The following ZBBX variants were observed in gnomAD, a reference collection of about 807,000 sequenced individuals.
The protein encoded by ZBBX is zinc finger B-box domain containing.
A neutral mutation model predicts 108.5 loss-of-function variants in ZBBX; 101 were observed. That is an observed-to-expected ratio of 0.93 (90% confidence interval 0.79 to 1.10). ZBBX has a LOEUF of 1.10. Ranked by LOEUF, ZBBX falls within the 50% of genes least tolerant of loss-of-function variation. ZBBX has a pLI of 0.00. For synonymous variants in ZBBX, 356 were observed against 323.4 expected (o/e 1.10, Z -1.08); for missense variants, 1,009 against 941.4 (o/e 1.07, Z -0.94).
intron 1 of ZBBX, among the ~76,000 whole-genome samples, chr3:167,402,946 T>A (rs1040213556): frequency 6.6e-6 from 1 of 152,010 alleles, no homozygotes; most frequent in Non-Finnish European, 1.5e-5. Flanking sequence ...CATAACAAAC[T>A]GTTAAATCAA....
At chr3:167,276,988 C>T (rs1727713560) in intron 20 of ZBBX, among the ~76,000 whole-genome samples, 1 of 151,948 alleles carries the variant, frequency 6.6e-6, no homozygotes, top group South Asian at 2.1e-4. Flanking sequence ...CATATCCAGC[C>T]AAACTAAGCT....
intron 11 of ZBBX, among the ~76,000 whole-genome samples, chr3:167,325,803 A>G (rs1737276227): frequency 6.6e-6 from 1 of 152,206 alleles, no homozygotes; most frequent in Non-Finnish European, 1.5e-5. Context: ...TAAAAATAAA[A>G]GGTAATGACA....
At chr3:167,345,964 T>G (rs1049137233) in intron 9 of ZBBX, among the ~76,000 whole-genome samples, 7 of 151,886 alleles carry the variant, frequency 4.6e-5, no homozygotes, top group Non-Finnish European at 2.9e-5. Context: ...CATAATCTAT[T>G]AATAATTTAC....
the ZBBX span, among the ~76,000 whole-genome samples, chr3:167,227,888 A>AATATTC: frequency 4.0e-5 from 6 of 151,862 alleles, no homozygotes; most frequent in African/African-American, 1.4e-4. Context: ...TATTAGGAAC[A>AATATTC]AGGCACGGGC....
chr3:167,179,783 C>G, the ZBBX span, among the ~76,000 whole-genome samples: 1 of 152,130 alleles, frequency 6.6e-6, no homozygotes, highest in Non-Finnish European at 1.5e-5. Context: ...ATTTTCAGCA[C>G]CTTCAATTGG....
At chr3:167,335,998 A>T (rs4955562) in intron 9 of ZBBX, among the ~76,000 whole-genome samples, 1 of 151,886 alleles carries the variant, frequency 6.6e-6, no homozygotes, top group East Asian at 1.9e-4. Flanking sequence ...AATAATCCAA[A>T]CTAAGCCTCA....
the ZBBX span, among the ~76,000 whole-genome samples, chr3:167,208,704 A>G: frequency 2.0e-5 from 3 of 152,302 alleles, no homozygotes; most frequent in East Asian, 5.8e-4. Flanking sequence ...AATCAGAGAT[A>G]TATTGGCTTC....
the ZBBX span, among the ~76,000 whole-genome samples, chr3:167,198,894 G>T: frequency 6.6e-6 from 1 of 152,140 alleles, no homozygotes; most frequent in South Asian, 2.1e-4. Context: ...AGGTTATTTG[G>T]TAAGAGTGCA....
At chr3:167,218,556 A>G in the ZBBX span, among the ~76,000 whole-genome samples, 1 of 152,128 alleles carries the variant, frequency 6.6e-6, no homozygotes, top group Non-Finnish European at 1.5e-5. Flanking sequence ...AGTCGTCATC[A>G]GTTTAAAATA....
intron 17 of ZBBX, among the ~76,000 whole-genome samples, chr3:167,299,534 G>A (rs2108188454): frequency 6.6e-6 from 1 of 152,124 alleles, no homozygotes; most frequent in Admixed American, 6.5e-5. Context: ...AAATAGTTAT[G>A]TTTTGTCTAC....
intron 9 of ZBBX, among the ~76,000 whole-genome samples, chr3:167,349,091 T>G (rs2108490466): frequency 6.6e-6 from 1 of 152,078 alleles, no homozygotes; most frequent in East Asian, 1.9e-4. Context: ...GGATAAATCT[T>G]GAAGCTCAGA....
chr3:167,285,113 G>C (rs1298365084), intron 19 of ZBBX, among the ~76,000 whole-genome samples: 2 of 151,932 alleles, frequency 1.3e-5, no homozygotes, highest in Non-Finnish European at 2.9e-5. Flanking sequence ...ATTTTCCTTG[G>C]TGTTAACTGA....
chr3:167,241,054 C>A, intron 21 of ZBBX, 135 bp from the exon 22 acceptor site: 1 of 892,676 alleles, frequency 1.1e-6, no homozygotes. Flanking sequence ...CAGACTGGGG[C>A]CATAATTTTC....
chr3:167,179,267 G>C, the ZBBX span, among the ~76,000 whole-genome samples: 1 of 152,238 alleles, frequency 6.6e-6, no homozygotes, highest in Non-Finnish European at 1.5e-5. Context: ...TCCTCTAAAA[G>C]ATGAGGAATG....
At chr3:167,259,109 T>A (rs912895715) in intron 20 of ZBBX, among the ~76,000 whole-genome samples, 1 of 13,070 alleles carries the variant, frequency 7.7e-5, no homozygotes, top group Non-Finnish European at 2.1e-4. Context: ...TCATGGACCC[T>A]TTTTTTTGAT....
At chr3:167,179,721 C>T in the ZBBX span, among the ~76,000 whole-genome samples, 1 of 152,186 alleles carries the variant, frequency 6.6e-6, no homozygotes, top group Non-Finnish European at 1.5e-5. Flanking sequence ...AAAACTTTAC[C>T]TTTTGAGCCA....
chr3:167,197,427 A>C, the ZBBX span, among the ~76,000 whole-genome samples: 1 of 152,032 alleles, frequency 6.6e-6, no homozygotes, highest in Admixed American at 6.6e-5. Flanking sequence ...AGTCCCAGCT[A>C]CTCAGGAGGC....
At chr3:167,209,152 G>A in the ZBBX span, among the ~76,000 whole-genome samples, 1 of 148,244 alleles carries the variant, frequency 6.7e-6, no homozygotes, top group African/African-American at 2.4e-5. Context: ...TAGAAGAATA[G>A]AGCACCAGGT....
chr3:167,245,796 G>T (rs1230701816), intron 20 of ZBBX, among the ~76,000 whole-genome samples: 5 of 151,934 alleles, frequency 3.3e-5, no homozygotes, highest in Admixed American at 3.3e-4. Flanking sequence ...CGTGCACTCT[G>T]CAAAACTGAG....
Sources: allele counts gnomAD v4.1 joint callset (sites outside exome capture counted in the v4.1 genomes callset), GRCh38; gene constraint gnomAD v4.1.1; transcripts MANE v1.5; gene names NCBI Gene and HGNC (gene_info 2026-07-23, HGNC 2026-07-21).